FHOD3: variants seen among roughly 807,000 people sequenced by gnomAD.
FHOD3 encodes formin homology 2 domain containing 3.
FHOD3 carries 90 observed loss-of-function variants against 173.0 expected under a neutral mutation model. The observed-to-expected ratio is 0.52, with a 90% confidence interval of 0.44 to 0.62. FHOD3 has a LOEUF of 0.62. FHOD3 is among the 20% of genes least tolerant of loss of function. The probability of loss-of-function intolerance (pLI) is 0.00; values close to 1 mark genes in which losing one functional copy is unlikely to be tolerated. For synonymous variants in FHOD3, 828 were observed against 823.0 expected (o/e 1.01, Z -0.10); for missense variants, 1,945 against 2,034.7 (o/e 0.96, Z 0.85).
At chr18:36,620,631 C>T (rs1246703820) in intron 9 of FHOD3, among the ~76,000 whole-genome samples, 1 of 152,206 alleles carries the variant, frequency 6.6e-6, no homozygotes, top group African/African-American at 2.4e-5. Context: ...ATGAAGGTCT[C>T]CTTCAAATAC....
At chr18:36,658,692 T>G (rs905549052) in intron 14 of FHOD3, among the ~76,000 whole-genome samples, 2 of 152,194 alleles carry the variant, frequency 1.3e-5, no homozygotes, top group African/African-American at 4.8e-5. Context: ...AGAAATTAAC[T>G]GATTATGACT....
At chr18:36,368,007 C>T (rs1243078668) in intron 2 of FHOD3, among the ~76,000 whole-genome samples, 1 of 152,124 alleles carries the variant, frequency 6.6e-6, no homozygotes, top group Non-Finnish European at 1.5e-5. Context: ...CCTCCCCAGC[C>T]ATGTGGAACT....
chr18:36,490,880 A>G (rs2054432230), intron 3 of FHOD3, among the ~76,000 whole-genome samples: 1 of 152,228 alleles, frequency 6.6e-6, no homozygotes, highest in Non-Finnish European at 1.5e-5. Context: ...TGTCCTAAAA[A>G]TTACTTGTAC....
At chr18:36,435,543 G>A (rs2143382097) in intron 3 of FHOD3, among the ~76,000 whole-genome samples, 1 of 152,196 alleles carries the variant, frequency 6.6e-6, no homozygotes, top group African/African-American at 2.4e-5. Flanking sequence ...AGTAATGTAA[G>A]ACTACATCAA....
intron 6 of FHOD3, among the ~76,000 whole-genome samples, chr18:36,585,290 C>T (rs1432647973): frequency 6.6e-6 from 1 of 152,094 alleles, no homozygotes; most frequent in Admixed American, 6.5e-5. Context: ...ATGGCATAGT[C>T]ATGTAATATT....
At chr18:36,626,514 C>T (rs770958213) in intron 10 of FHOD3, among the ~76,000 whole-genome samples, 1 of 152,220 alleles carries the variant, frequency 6.6e-6, no homozygotes, top group Non-Finnish European at 1.5e-5. Context: ...GCCATGCCTG[C>T]TCCAGAGTCT....
At chr18:36,738,007 A>C (rs1359172768) in intron 20 of FHOD3, among the ~76,000 whole-genome samples, 2 of 152,122 alleles carry the variant, frequency 1.3e-5, no homozygotes, top group African/African-American at 4.8e-5. Flanking sequence ...CCCTCAACCC[A>C]CCTCTGGCAC....
intron 1 of FHOD3, among the ~76,000 whole-genome samples, chr18:36,333,302 C>T (rs1204715914): frequency 6.6e-6 from 1 of 152,206 alleles, no homozygotes; most frequent in Non-Finnish European, 1.5e-5. Context: ...AAGACAGCTG[C>T]TGCTGGCTAC....
chr18:36,764,445 A>G lies in FHOD3; in HGVS notation c.4624+3663A>G, dbSNP rs76606772. On this transcript the variant is annotated intron_variant, in intron 27 of 28. Coordinates refer to ENST00000590592, the MANE Select transcript of FHOD3 (RefSeq NM_001281740.3). The stretch of plus-strand genomic sequence containing the variant: ...GCAGGCTTTGTATGCTAGGCTAAAC[A>G]TGGCCAACAGGGATGTGAAGGTGAA... 2.9e-3 allele frequency among the ~76,000 whole-genome samples: 445 copies of G among 152,128 alleles called. 14 individuals carry two copies. The East Asian group carries it at 0.077, about 26-fold the overall frequency.
chr18:36,579,045 G>C (rs1377195167), intron 6 of FHOD3, among the ~76,000 whole-genome samples: 4 of 152,172 alleles, frequency 2.6e-5, no homozygotes, highest in Admixed American at 6.5e-5. Flanking sequence ...GAAATGCTGG[G>C]CTTTCTAGGT....
At chr18:36,349,231 A>C (rs2046004853) in intron 1 of FHOD3, among the ~76,000 whole-genome samples, 1 of 152,312 alleles carries the variant, frequency 6.6e-6, no homozygotes, top group Admixed American at 6.5e-5. Context: ...GGTAACCCCA[A>C]CATCTTCAGA....
intron 3 of FHOD3, among the ~76,000 whole-genome samples, chr18:36,445,565 C>T (rs2051418407): frequency 6.6e-6 from 1 of 152,104 alleles, no homozygotes; most frequent in African/African-American, 2.4e-5. Flanking sequence ...AGTTATTTCC[C>T]TTCTCTACTC....
intron 5 of FHOD3, among the ~76,000 whole-genome samples, 170 bp from the exon 6 acceptor site, chr18:36,576,281 T>C (rs1300981025): frequency 1.3e-5 from 2 of 152,230 alleles, no homozygotes; most frequent in Non-Finnish European, 2.9e-5. Flanking sequence ...TTCGACACTT[T>C]CTCTCTGAAA....
chr18:36,426,681 C>T (rs530340560), intron 3 of FHOD3, among the ~76,000 whole-genome samples: 78 of 152,278 alleles, frequency 5.1e-4, no homozygotes, highest in African/African-American at 1.8e-3. Flanking sequence ...CATTCAATTC[C>T]TACCTTGTTG....
At chr18:36,437,425 C>G (rs1202390227) in intron 3 of FHOD3, among the ~76,000 whole-genome samples, 1 of 152,140 alleles carries the variant, frequency 6.6e-6, no homozygotes, top group Non-Finnish European at 1.5e-5. Flanking sequence ...TTTGTATTGT[C>G]TAATTCTTTC....
intron 27 of FHOD3, among the ~76,000 whole-genome samples, chr18:36,767,336 G>T (rs531232548): frequency 6.6e-6 from 1 of 151,874 alleles, no homozygotes; most frequent in African/African-American, 2.4e-5. Flanking sequence ...CAGTAATAAC[G>T]GAAATCAGAG....
At chr18:36,642,359 C>A (rs1291753559) in intron 10 of FHOD3, among the ~76,000 whole-genome samples, 2 of 152,004 alleles carry the variant, frequency 1.3e-5, no homozygotes, top group Admixed American at 1.3e-4. Flanking sequence ...GTGGTTCATG[C>A]CTGTAATCCC....
intron 19 of FHOD3, among the ~76,000 whole-genome samples, chr18:36,724,871 C>G (rs573151214): frequency 6.6e-6 from 1 of 152,194 alleles, no homozygotes; most frequent in African/African-American, 2.4e-5. Flanking sequence ...GGAGCTCTGC[C>G]GTGGGCGTTC....
chr18:36,536,260 G>A (rs1489493083), intron 5 of FHOD3, among the ~76,000 whole-genome samples: 1 of 152,148 alleles, frequency 6.6e-6, no homozygotes, highest in Non-Finnish European at 1.5e-5. Context: ...CCCCATGGAT[G>A]GGGCCAAGGT....
Sources: gnomAD v4.1 joint callset for allele counts (sites outside exome capture counted in the v4.1 genomes callset) on GRCh38, gnomAD v4.1.1 for gene constraint, MANE v1.5 for transcripts, NCBI Gene and HGNC (gene_info 2026-07-23, HGNC 2026-07-21) for gene names.